The following SDC2 variants were observed in gnomAD, a reference collection of about 807,000 sequenced individuals.
The protein encoded by SDC2 is syndecan-2.
In SDC2, 13 loss-of-function variants were observed where a neutral mutation model predicts 22.2. The ratio of observed to expected loss-of-function variants is 0.59; its 90% confidence interval spans 0.38 to 0.93. The LOEUF (loss-of-function observed/expected upper bound fraction) is 0.93, where lower values mean the gene tolerates loss of function less well. SDC2 is among the 40% of genes least tolerant of loss of function. The pLI is 0.00. For missense variants in SDC2, 235 were observed against 246.8 expected (o/e 0.95, Z 0.32); for synonymous variants, 94 against 92.8 (o/e 1.01, Z -0.07).
intron 3 of SDC2, among the ~76,000 whole-genome samples, chr8:96,607,095 T>G (rs1815093191): frequency 6.6e-6 from 1 of 151,944 alleles, no homozygotes; most frequent in East Asian, 1.9e-4. Context: ...GAGTCTGAGG[T>G]GGAATAGTTT....
At chr8:96,502,076 C>G (rs1278934205) in intron 1 of SDC2, among the ~76,000 whole-genome samples, 3 of 152,136 alleles carry the variant, frequency 2.0e-5, no homozygotes, top group Non-Finnish European at 4.4e-5. Context: ...AAGACATACC[C>G]AAGACTAGGT....
chr8:96,551,415 T>C (rs1173021418), intron 1 of SDC2, among the ~76,000 whole-genome samples: 1 of 152,216 alleles, frequency 6.6e-6, no homozygotes, highest in Non-Finnish European at 1.5e-5. Context: ...ATGTGCCAAG[T>C]ACCTATTCCA....
Position 96,593,539 on chromosome 8 carries a change from T to A in SDC2, c.120T>A (p.Ala40=), listed in dbSNP as rs1440361067. 2 of 1,614,148 alleles carry A rather than the reference T, an allele frequency of 1.2e-6. No homozygotes were observed. Among genetic ancestry groups the A allele is most frequent in the Admixed American group, 1.7e-5 (1 of 60,026 alleles). ...TTGACAACAGCTCCATTGAAGAAGC[T>A]TCAGGAGTGTATCCTATTGATGACG... ...MYLDNSSIEE[A]SGVYPIDDDD... The change falls in exon 2 of 5, where the codon GCT becomes GCA. Residue 40 remains alanine, a synonymous_variant. Coordinates refer to ENST00000302190, the MANE Select transcript of SDC2 (RefSeq NM_002998.4).
intron 1 of SDC2, among the ~76,000 whole-genome samples, chr8:96,495,800 G>C (rs1813065659): frequency 6.6e-6 from 1 of 152,096 alleles, no homozygotes; most frequent in Non-Finnish European, 1.5e-5. Context: ...CGTTCTTTGT[G>C]GTTGGAGAGC....
rs117032071 is a variant in SDC2, at chr8:96,495,676, C to T, written c.60+1345C>T. On this transcript the variant is annotated intron_variant, in intron 1 of 4. Transcript: ENST00000302190. ...TTTTATGAGTTTGAGTCTCCCTCCC[C>T]CCCTTTTTTGTGCTGAGGCTAATTT... Among the ~76,000 whole-genome samples, 4 of 152,300 alleles carry T rather than the reference C, an allele frequency of 2.6e-5. No homozygotes were observed. The East Asian group carries it at 7.7e-4, about 29-fold the overall frequency.
At chr8:96,522,383 T>C (rs1205699079) in intron 1 of SDC2, among the ~76,000 whole-genome samples, 2 of 151,852 alleles carry the variant, frequency 1.3e-5, no homozygotes, top group African/African-American at 4.9e-5. Flanking sequence ...TTTTTTTTTT[T>C]CTCCTCTGGC....
chr8:96,506,087 A>G (rs1330994485), intron 1 of SDC2, among the ~76,000 whole-genome samples: 1 of 152,256 alleles, frequency 6.6e-6, no homozygotes, highest in East Asian at 1.9e-4. Flanking sequence ...CTGGAAAAGC[A>G]AAACTTTCCT....
At chr8:96,604,143 A>G (rs1330475633) in intron 3 of SDC2, among the ~76,000 whole-genome samples, 1 of 152,078 alleles carries the variant, frequency 6.6e-6, no homozygotes, top group Non-Finnish European at 1.5e-5. Flanking sequence ...GAGGGAAGCA[A>G]CTCTCCTGGG....
chr8:96,538,705 C>G (rs934334791), intron 1 of SDC2: 20 of 152,224 alleles, frequency 1.3e-4, no homozygotes, highest in Admixed American at 6.5e-4. Context: ...GAAGGATATT[C>G]TTTGCTGAGC....
chr8:96,495,271 C>T (rs991728238), intron 1 of SDC2, among the ~76,000 whole-genome samples: 2 of 152,326 alleles, frequency 1.3e-5, no homozygotes, highest in East Asian at 1.9e-4. Context: ...CGGCGGAGCG[C>T]CTGCCGGCAC....
chr8:96,524,966 T>G (rs1284019349), intron 1 of SDC2, among the ~76,000 whole-genome samples: 1 of 152,186 alleles, frequency 6.6e-6, no homozygotes, highest in African/African-American at 2.4e-5. Flanking sequence ...AGACAAGACT[T>G]TGGCCATTAT....
In SDC2 at chr8:96,511,127, A is replaced by G. The variant is rs565471332; in HGVS notation, c.60+16796A>G. The stretch of plus-strand genomic sequence containing the variant: ...TAGGGCCCAGCAGTCTTGAGCTTTA[A>G]AAAGCCCTTCAGGGGATCCTTCTGC... On this transcript the variant is annotated intron_variant, in intron 1 of 4. Coordinates refer to ENST00000302190, the MANE Select transcript of SDC2 (RefSeq NM_002998.4). 2.6e-5 allele frequency among the ~76,000 whole-genome samples: 4 copies of G among 152,296 alleles called. No homozygotes were observed. The South Asian group carries it at 6.2e-4, about 24-fold the overall frequency.
chr8:96,549,402 G>A (rs1445704792), intron 1 of SDC2, among the ~76,000 whole-genome samples: 1 of 152,156 alleles, frequency 6.6e-6, no homozygotes, highest in African/African-American at 2.4e-5. Flanking sequence ...AATAACAAAA[G>A]CCTTATCATG....
In SDC2 at chr8:96,504,843, T is replaced by C. The variant is rs542857234; in HGVS notation, c.60+10512T>C. On this transcript the variant is annotated intron_variant, in intron 1 of 4. Transcript: ENST00000302190. Reference sequence around the variant, plus strand: ...AACAAGGCTGTTTATTTCACCTGAGTGCAGGCAGGCTGAGTCCGAAAAGAG... The same window carrying C: ...AACAAGGCTGTTTATTTCACCTGAGCGCAGGCAGGCTGAGTCCGAAAAGAG... 1.3e-4 allele frequency among the ~76,000 whole-genome samples: 20 copies of C among 152,180 alleles called. No individual in the cohort carries two copies. In the South Asian group the frequency reaches 4.2e-3, roughly 32 times the overall value.
intron 1 of SDC2, among the ~76,000 whole-genome samples, chr8:96,586,976 G>A (rs1814696801): frequency 6.6e-6 from 1 of 152,184 alleles, no homozygotes; most frequent in Non-Finnish European, 1.5e-5. Flanking sequence ...AGGCTGGAGT[G>A]CTGTGGCGCA....
At chr8:96,540,336 A>ATGTG (rs897246275) in intron 1 of SDC2, among the ~76,000 whole-genome samples, 3 of 105,358 alleles carry the variant, frequency 2.8e-5, no homozygotes, top group Non-Finnish European at 6.5e-5. Flanking sequence ...TACTATATAT[A>ATGTG]TGTGTATATA....
chr8:96,551,511 A>C (rs1483851868), intron 1 of SDC2, among the ~76,000 whole-genome samples: 1 of 152,194 alleles, frequency 6.6e-6, no homozygotes, highest in Non-Finnish European at 1.5e-5. Context: ...TTACAGGCGA[A>C]GAAACCGGAG....
intron 1 of SDC2, among the ~76,000 whole-genome samples, chr8:96,518,062 G>A (rs1813434126): frequency 2.0e-5 from 3 of 152,000 alleles, no homozygotes; most frequent in South Asian, 4.1e-4. Context: ...TTGGAGTGGG[G>A]TGCATTTTAG....
chr8:96,569,951 A>G (rs978564319), intron 1 of SDC2, among the ~76,000 whole-genome samples: 2 of 152,186 alleles, frequency 1.3e-5, no homozygotes, highest in Non-Finnish European at 2.9e-5. Flanking sequence ...GGACTACAGG[A>G]AGGGGAGTCG....
Sources: gnomAD v4.1 joint callset for allele counts (sites outside exome capture counted in the v4.1 genomes callset) on GRCh38, gnomAD v4.1.1 for gene constraint, MANE v1.5 for transcripts, NCBI Gene and HGNC (gene_info 2026-07-23, HGNC 2026-07-21) for gene names.